Variants in ANO3 observed in about 807,000 individuals in gnomAD.
The protein encoded by ANO3 is anoctamin 3, also known as anoctamin-3.
A neutral mutation model predicts 144.8 loss-of-function variants in ANO3; 99 were observed. That is an observed-to-expected ratio of 0.68 (90% CI 0.58 to 0.81). ANO3 has a LOEUF of 0.81. Ranked by LOEUF, ANO3 falls within the 30% of genes least tolerant of loss-of-function variation. The pLI is 0.00. For synonymous variants in ANO3, 414 were observed against 392.6 expected (o/e 1.05, Z -0.64); for missense variants, 905 against 1,202.2 (o/e 0.75, Z 3.66).
intron 1 of ANO3, among the ~76,000 whole-genome samples, chr11:26,410,985 C>A (rs1482003460): frequency 2.0e-5 from 3 of 151,946 alleles, no homozygotes; most frequent in Non-Finnish European, 4.4e-5. Flanking sequence ...CAACAGGGGG[C>A]TTATCTGGCT....
chr11:26,507,463 T>C (rs575842304), intron 4 of ANO3, among the ~76,000 whole-genome samples: 111 of 152,342 alleles, frequency 7.3e-4, no homozygotes, highest in African/African-American at 2.6e-3. Flanking sequence ...TAAGCTGTTC[T>C]AGTTGGTTTG....
At chr11:26,471,804 A>G (rs983343942) in intron 4 of ANO3, among the ~76,000 whole-genome samples, 1 of 151,994 alleles carries the variant, frequency 6.6e-6, no homozygotes, top group African/African-American at 2.4e-5. Context: ...GTCGTATTTC[A>G]TATATGATAC....
chr11:26,196,054 A>G (rs1450229793), intron 1 of ANO3, among the ~76,000 whole-genome samples: 1 of 152,152 alleles, frequency 6.6e-6, no homozygotes, highest in African/African-American at 2.4e-5. Context: ...GGCCATTCAT[A>G]TGAGTTGCTA....
intron 3 of ANO3, among the ~76,000 whole-genome samples, chr11:26,451,665 C>T (rs1300134037): frequency 1.3e-5 from 2 of 152,172 alleles, no homozygotes; most frequent in South Asian, 2.1e-4. Flanking sequence ...AGGGCACAGA[C>T]AAACAAAAAG....
At chr11:26,324,260 C>A (rs1374277068) in intron 1 of ANO3, among the ~76,000 whole-genome samples, 1 of 152,108 alleles carries the variant, frequency 6.6e-6, no homozygotes, top group Admixed American at 6.5e-5. Flanking sequence ...ATCTAAATAA[C>A]CACATGTTTG....
At chr11:26,437,449 G>A (rs1362655907) in intron 1 of ANO3, among the ~76,000 whole-genome samples, 1 of 152,216 alleles carries the variant, frequency 6.6e-6, no homozygotes, top group Non-Finnish European at 1.5e-5. Flanking sequence ...CTGAGAGTAG[G>A]AGGCTCCCCT....
intron 14 of ANO3, among the ~76,000 whole-genome samples, chr11:26,594,232 T>C (rs565614623): frequency 2.6e-5 from 4 of 152,166 alleles, no homozygotes; most frequent in Non-Finnish European, 5.9e-5. Context: ...CATCTTCTGA[T>C]TTTGCGTCCC....
intron 18 of ANO3, among the ~76,000 whole-genome samples, chr11:26,633,826 AGCATTTTGGGAG>A (rs1852861497): frequency 6.6e-6 from 1 of 152,202 alleles, no homozygotes. Context: ...CTGTAATCCT[AGCATTTTGGGAG>A]GCCGAGGCCA....
At chr11:26,619,920 A>G (rs2132994192) in intron 17 of ANO3, among the ~76,000 whole-genome samples, 1 of 152,364 alleles carries the variant, frequency 6.6e-6, no homozygotes, top group South Asian at 2.1e-4. Context: ...AGCTAAGGTA[A>G]TTTTGATGCA....
chr11:26,208,976 A>G (rs1480759374), intron 1 of ANO3, among the ~76,000 whole-genome samples: 2 of 152,188 alleles, frequency 1.3e-5, no homozygotes, highest in East Asian at 1.9e-4. Context: ...CAAGGTGAAC[A>G]TAAGAAGAAG....
chr11:26,637,170 C>T (rs1438803154), intron 20 of ANO3, among the ~76,000 whole-genome samples: 1 of 152,126 alleles, frequency 6.6e-6, no homozygotes, highest in Non-Finnish European at 1.5e-5. Flanking sequence ...ACTATTGGAC[C>T]CCCTTCTCTT....
chr11:26,466,181 A>T (rs563745409), intron 4 of ANO3, among the ~76,000 whole-genome samples: 1 of 152,088 alleles, frequency 6.6e-6, no homozygotes, highest in South Asian at 2.1e-4. Context: ...ACTAACTGGG[A>T]TGCAGTTTAG....
At position 26,559,372 on chromosome 11, in the gene ANO3, T is replaced by C. The variant is rs1252050615; in HGVS notation, c.1387-347T>C. ...GAATTGCAACTAGGAATGCCTCACC[T>C]GAAAAACTAATTTCATACAACTTTC... On this transcript the variant is annotated intron_variant, in intron 13 of 26. Transcript: ENST00000256737. The C allele has an allele frequency of 2.2e-5, 4 of 178,628 alleles. No homozygotes were observed. In the East Asian group the frequency reaches 5.7e-4, roughly 26 times the overall value. 11.1% of individuals were successfully genotyped at this position (178,628 alleles called of 1,614,324 possible). A position where few individuals can be genotyped will look rare whatever the true frequency, so the allele number is the denominator to read the frequency against.
chr11:26,255,953 G>A (rs1853047604), intron 1 of ANO3, among the ~76,000 whole-genome samples: 1 of 152,166 alleles, frequency 6.6e-6, no homozygotes, highest in Non-Finnish European at 1.5e-5. Flanking sequence ...TCAGCCATCT[G>A]CCAGTAGGCC....
upstream of ANO3, among the ~76,000 whole-genome samples, chr11:26,305,620 T>G (rs986644768): frequency 3.3e-5 from 5 of 152,186 alleles, no homozygotes; most frequent in South Asian, 1.0e-3. Context: ...ATATTTCAAT[T>G]CACTTTTATG....
intron 24 of ANO3, 43 bp from the exon 25 acceptor site, chr11:26,656,082 C>T (rs771026884): frequency 2.7e-5 from 38 of 1,405,278 alleles, no homozygotes; most frequent in Non-Finnish European, 3.5e-5. Flanking sequence ...AGGCTAGAAA[C>T]GTATGAATCT....
chr11:26,210,624 G>C (rs937541035), intron 1 of ANO3, among the ~76,000 whole-genome samples: 1 of 152,142 alleles, frequency 6.6e-6, no homozygotes, highest in Non-Finnish European at 1.5e-5. Flanking sequence ...AGCATGGAAT[G>C]TTTTTGCATT....
chr11:26,254,506 T>A (rs991909368), intron 1 of ANO3, among the ~76,000 whole-genome samples: 5 of 152,154 alleles, frequency 3.3e-5, no homozygotes, highest in Admixed American at 1.3e-4. Flanking sequence ...TTATTCAGCA[T>A]ATGGAGAAAA....
At chr11:26,304,578 G>A (rs1425844242) in intron 1 of ANO3, among the ~76,000 whole-genome samples, 1 of 152,026 alleles carries the variant, frequency 6.6e-6, no homozygotes, top group Non-Finnish European at 1.5e-5. Context: ...AGGGGAGATT[G>A]CAAATAAGTC....
Sources: allele counts gnomAD v4.1 joint callset (sites outside exome capture counted in the v4.1 genomes callset), GRCh38; gene constraint gnomAD v4.1.1; transcripts MANE v1.5; gene names NCBI Gene and HGNC (gene_info 2026-07-23, HGNC 2026-07-21).